The following PARL variants were observed in gnomAD, a reference collection of about 807,000 sequenced individuals.
PARL encodes the protein presenilin associated rhomboid like, also known as presenilin-associated rhomboid-like protein, mitochondrial.
Under a neutral mutation model 51.6 loss-of-function variants are expected in PARL, and 44 were observed. The ratio of observed to expected loss-of-function variants is 0.85; its 90% confidence interval spans 0.67 to 1.10. The LOEUF is 1.10. Ranked by LOEUF, PARL falls within the 50% of genes least tolerant of loss-of-function variation. The pLI, the probability that PARL is intolerant of heterozygous loss-of-function variation, is 0.00. For missense variants in PARL, 441 were observed against 469.5 expected (o/e 0.94, Z 0.56); for synonymous variants, 172 against 164.0 (o/e 1.05, Z -0.37).
intron 1 of PARL, among the ~76,000 whole-genome samples, chr3:183,879,507 G>A (rs1381797771): frequency 1.3e-5 from 2 of 152,112 alleles, no homozygotes; most frequent in African/African-American, 4.8e-5. Context: ...AATGGTGTCT[G>A]GTGACAATTT....
intron 7 of PARL, among the ~76,000 whole-genome samples, chr3:183,837,108 G>C (rs528920842): frequency 3.3e-5 from 5 of 152,034 alleles, no homozygotes; most frequent in Non-Finnish European, 1.5e-5. Context: ...AACTTTATTT[G>C]GTATTATAAT....
chr3:183,846,515 AG>A (rs1729974559), intron 4 of PARL: 1 of 985,230 alleles, frequency 1.0e-6, no homozygotes, highest in African/African-American at 1.7e-5. Flanking sequence ...GCGGGGGGAA[AG>A]ATAACCAAAG....
intron 1 of PARL, among the ~76,000 whole-genome samples, chr3:183,872,527 C>T (rs1733331770): frequency 6.6e-6 from 1 of 152,180 alleles, no homozygotes; most frequent in Admixed American, 6.5e-5. Context: ...TACTGTTGCT[C>T]TAAATGGCTC....
At chr3:183,869,007 C>T (rs1408850364) in intron 1 of PARL, among the ~76,000 whole-genome samples, 1 of 152,146 alleles carries the variant, frequency 6.6e-6, no homozygotes, top group Non-Finnish European at 1.5e-5. Context: ...GATCATGCCT[C>T]CTAGTCCTAG....
At chr3:183,869,389 G>T (rs185956865) in intron 1 of PARL, among the ~76,000 whole-genome samples, 244 of 152,172 alleles carry the variant, frequency 1.6e-3, no homozygotes, top group Middle Eastern at 0.014. Flanking sequence ...TGTATTTTTA[G>T]TAGATATGGG....
chr3:183,873,595 C>T (rs1278928840), intron 1 of PARL, among the ~76,000 whole-genome samples: 1 of 151,788 alleles, frequency 6.6e-6, no homozygotes, highest in Non-Finnish European at 1.5e-5. Flanking sequence ...AAGTTGTAAC[C>T]CAGTAATCTT....
chr3:183,863,173 A>G (rs560045259), intron 3 of PARL, among the ~76,000 whole-genome samples: 1 of 152,362 alleles, frequency 6.6e-6, no homozygotes, highest in East Asian at 1.9e-4. Flanking sequence ...GTGATTATTC[A>G]TACCAAGGTC....
intron 1 of PARL, among the ~76,000 whole-genome samples, chr3:183,881,869 T>G (rs755810205): frequency 6.6e-6 from 1 of 152,154 alleles, no homozygotes; most frequent in Non-Finnish European, 1.5e-5. Flanking sequence ...AAACAAAATA[T>G]AATATATACG....
At chr3:183,871,123 A>G (rs1191202071) in intron 1 of PARL, among the ~76,000 whole-genome samples, 1 of 152,182 alleles carries the variant, frequency 6.6e-6, no homozygotes, top group Non-Finnish European at 1.5e-5. Context: ...AAAAGGGATC[A>G]AAAAATGATT....
chr3:183,882,294 TATATATACACACAC>T (rs1279893954), intron 1 of PARL, among the ~76,000 whole-genome samples: 2 of 96,212 alleles, frequency 2.1e-5, no homozygotes, highest in Admixed American at 1.3e-4. Flanking sequence ...CACACACACA[TATATATACACACAC>T]ATATATACAC....
intron 4 of PARL, among the ~76,000 whole-genome samples, chr3:183,858,172 T>A (rs1203973569): frequency 6.6e-6 from 1 of 152,184 alleles, no homozygotes; most frequent in Non-Finnish European, 1.5e-5. Flanking sequence ...AGTCAGGAGT[T>A]ACAGAAAAAC....
In PARL at chr3:183,836,217, C is replaced by CAAAAAAAAA. The variant is rs56354792; in HGVS notation, c.829-2401_829-2393dup. Among the ~76,000 whole-genome samples, 15 of 84,254 alleles carry CAAAAAAAAA rather than the reference C, an allele frequency of 1.8e-4. 1 individual carries two copies. Among genetic ancestry groups the CAAAAAAAAA allele is most frequent in the African/African-American group, 7.8e-4 (15 of 19,142 alleles). The allele number at this position is 84,254 out of a possible 152,430, so 55.3% of individuals were successfully genotyped here. On this transcript the variant is annotated intron_variant, in intron 7 of 9. Coordinates refer to ENST00000317096, the MANE Select transcript of PARL (RefSeq NM_018622.7). Reference sequence around the variant, plus strand: ...GGGCAACAAGAACGAAACTCCATCTCAAAAAAAAAAAAAAAAAAAAAAAAA... The same window carrying CAAAAAAAAA: ...GGGCAACAAGAACGAAACTCCATCTCAAAAAAAAAAAAAAAAAAAAAAAAAAAAAAAAAA...
At chr3:183,844,600 C>T in intron 4 of PARL, 2 of 382,636 alleles carry the variant, frequency 5.2e-6, no homozygotes, top group South Asian at 3.1e-5. Flanking sequence ...TTTAGAAGAG[C>T]TTACTTTTCT....
At chr3:183,854,724 T>G (rs1452801303) in intron 4 of PARL, among the ~76,000 whole-genome samples, 1 of 149,588 alleles carries the variant, frequency 6.7e-6, no homozygotes, top group Admixed American at 6.7e-5. Flanking sequence ...AGATGGTATA[T>G]TTCATGTTTT....
chr3:183,883,539 G>A (rs1214045677), intron 1 of PARL: 1 of 946,672 alleles, frequency 1.1e-6, no homozygotes. Flanking sequence ...CAAAGTGCTA[G>A]GATTACAGGC....
At chr3:183,882,438 G>T (rs1393982546) in intron 1 of PARL, among the ~76,000 whole-genome samples, 1 of 141,066 alleles carries the variant, frequency 7.1e-6, no homozygotes, top group Non-Finnish European at 1.5e-5. Flanking sequence ...GAGAGAGAAA[G>T]AGAGAGACTA....
intron 4 of PARL, chr3:183,846,678 C>T: frequency 1.0e-6 from 1 of 964,116 alleles, no homozygotes; most frequent in Non-Finnish European, 1.2e-6. Flanking sequence ...AAACTGCTTT[C>T]ATGGGGCACC....
chr3:183,827,172 C>T (rs565839717), downstream of PARL, among the ~76,000 whole-genome samples: 7 of 151,950 alleles, frequency 4.6e-5, no homozygotes, highest in South Asian at 8.3e-4. Flanking sequence ...TTCATATGGC[C>T]GGGTGCAGAT....
At chr3:183,877,799 T>C (rs1734013820) in intron 1 of PARL, among the ~76,000 whole-genome samples, 2 of 129,038 alleles carry the variant, frequency 1.5e-5, no homozygotes, top group African/African-American at 3.1e-5. Context: ...AACCATAATT[T>C]ATTACTTTTT....
Sources: allele counts gnomAD v4.1 joint callset (sites outside exome capture counted in the v4.1 genomes callset), GRCh38; gene constraint gnomAD v4.1.1; transcripts MANE v1.5; gene names NCBI Gene and HGNC (gene_info 2026-07-23, HGNC 2026-07-21).